The following SYCP1 variants were observed in gnomAD, a reference collection of about 807,000 sequenced individuals.
The protein encoded by SYCP1 is synaptonemal complex protein 1.
Under a neutral mutation model 153.1 loss-of-function variants are expected in SYCP1, and 64 were observed. That is an observed-to-expected ratio of 0.42 (90% CI 0.34 to 0.51). The LOEUF is 0.51. SYCP1 is among the 20% of genes least tolerant of loss of function. The probability of loss-of-function intolerance (pLI) is 0.06; values close to 1 mark genes in which losing one functional copy is unlikely to be tolerated. For synonymous variants in SYCP1, 384 were observed against 341.8 expected (o/e 1.12, Z -1.36); for missense variants, 997 against 1,049.0 (o/e 0.95, Z 0.68).
chr1:114,985,970 C>T (rs1179987666), intron 30 of SYCP1, among the ~76,000 whole-genome samples: 2 of 148,934 alleles, frequency 1.3e-5, no homozygotes, highest in African/African-American at 4.9e-5. Context: ...GAAAGCAATA[C>T]AACATAACTA....
chr1:114,956,253 G>T (rs146474041), intron 27 of SYCP1, among the ~76,000 whole-genome samples: 129 of 152,240 alleles, frequency 8.5e-4, no homozygotes, highest in Admixed American at 2.2e-3. Context: ...GATGGGTGGT[G>T]GGGGGACAGT....
At chr1:114,859,834 G>A (rs1005970980) in intron 7 of SYCP1, 24 bp downstream of exon 7, 1 of 649,632 alleles carries the variant, frequency 1.5e-6, no homozygotes, top group Admixed American at 5.1e-5. Context: ...TAATGAATTT[G>A]TTCTTTTCAC....
intron 12 of SYCP1, among the ~76,000 whole-genome samples, chr1:114,880,881 T>G (rs374278272): frequency 6.6e-6 from 1 of 152,194 alleles, no homozygotes; most frequent in African/African-American, 2.4e-5. Flanking sequence ...TATGATCAAC[T>G]AATTTTTGTT....
At chr1:114,963,914 G>T (rs953937215) in intron 27 of SYCP1, among the ~76,000 whole-genome samples, 30 of 152,130 alleles carry the variant, frequency 2.0e-4, no homozygotes, top group Admixed American at 1.2e-3. Context: ...GGGTCAAATG[G>T]TATTTCTGGT....
intron 15 of SYCP1, 41 bp from the exon 16 acceptor site, chr1:114,895,407 T>A (rs1341299712): frequency 2.3e-6 from 3 of 1,316,080 alleles, no homozygotes; most frequent in Non-Finnish European, 3.1e-6. Context: ...CCTATTCTTT[T>A]AATCCAGCTT....
Position 114,910,487 on chromosome 1 carries a change from C to T in SYCP1, c.1411C>T (p.Leu471Phe), listed in dbSNP as rs1450960448. The T allele has an allele frequency of 1.9e-6, 3 of 1,577,112 alleles. No homozygotes were observed. The highest frequency in any genetic ancestry group is 1.7e-6 in the Non-Finnish European group (2 of 1,164,314). ...KGTEQELIGL[L>F]QAREKEVHDL... ...AACAGAACAAGAACTAATTGGTCTTCTCCAAGCCAGAGAGGTTTGTTTAAG... is the reference window on the plus strand; with the variant it reads ...AACAGAACAAGAACTAATTGGTCTTTTCCAAGCCAGAGAGGTTTGTTTAAG... The change falls in exon 17 of 32, where the codon CTC (leucine) becomes TTC (phenylalanine). Residue 471 changes from leucine (L) to phenylalanine (F), a missense_variant. Physicochemically the swap from Leu to Phe is conservative, Grantham distance 22 (BLOSUM62 0). Transcript: ENST00000369522.
chr1:114,951,253 A>G (rs1671088551), intron 27 of SYCP1, among the ~76,000 whole-genome samples: 1 of 152,184 alleles, frequency 6.6e-6, no homozygotes, highest in Non-Finnish European at 1.5e-5. Context: ...ATCACTTCAT[A>G]TGGCTCCTTT....
chr1:114,917,400 C>G lies in SYCP1; in HGVS notation c.1718+3355C>G, dbSNP rs921054432. Among the ~76,000 whole-genome samples the G allele has an allele frequency of 7.9e-5, 12 of 152,276 alleles. No homozygotes were observed. In the South Asian group the frequency reaches 1.0e-3, roughly 13 times the overall value. ...TGTTATCCATTCACCTGTTGATGGA[C>G]ACTTACATAGCTTCCAAATATTGGC... On this transcript the variant is annotated intron_variant, in intron 20 of 31. Coordinates refer to ENST00000369522, the MANE Select transcript of SYCP1 (RefSeq NM_003176.4).
chr1:114,950,576 G>C (rs186918615), intron 27 of SYCP1, among the ~76,000 whole-genome samples: 113 of 152,124 alleles, frequency 7.4e-4, no homozygotes, highest in Admixed American at 2.4e-3. Context: ...AACAGTTATA[G>C]AGATAATACC....
chr1:114,924,101 AT>A (rs1436800839), intron 21 of SYCP1, among the ~76,000 whole-genome samples: 1 of 152,100 alleles, frequency 6.6e-6, no homozygotes, highest in African/African-American at 2.4e-5. Context: ...TTACGTTTGG[AT>A]TTCATTTATT....
At chr1:114,894,875 A>G (rs970622737) in intron 15 of SYCP1, among the ~76,000 whole-genome samples, 4 of 152,150 alleles carry the variant, frequency 2.6e-5, no homozygotes, top group Non-Finnish European at 4.4e-5. Flanking sequence ...TGTTGGAAAA[A>G]CAAACTAAGA....
chr1:114,858,909 C>T (rs575642483), intron 6 of SYCP1, among the ~76,000 whole-genome samples, 198 bp downstream of exon 6: 25 of 152,120 alleles, frequency 1.6e-4, no homozygotes, highest in African/African-American at 5.1e-4. Context: ...AGTTGTATAA[C>T]GCTTAATGCA....
At chr1:114,993,775 A>G (rs1303235621) in intron 30 of SYCP1, among the ~76,000 whole-genome samples, 1 of 151,490 alleles carries the variant, frequency 6.6e-6, no homozygotes, top group Admixed American at 6.6e-5. Context: ...TATATAGTTC[A>G]ATGTTATTAA....
Position 114,981,397 on chromosome 1 carries a change from T to A in SYCP1, c.2444T>A (p.Val815Asp), listed in dbSNP as rs766855833. 9.9e-6 allele frequency: 16 copies of A among 1,608,778 alleles called. No homozygotes were observed. The change falls in exon 29 of 32, where the codon GTT (valine) becomes GAT (aspartate). Residue 815 changes from valine to aspartate, a missense_variant. Physicochemically the swap from Val to Asp is radical, Grantham distance 152 (BLOSUM62 -3). Around this residue, in one of 2 missense-constraint regions of SYCP1, gnomAD observed 712 missense variants for 682.9 expected, o/e 1.04. Transcript: ENST00000369522. ...TATTGGAAATTGGATTCTAAAGCAGTTCCTTCACAAACTGTATCTCGAAAT... is the reference window on the plus strand; with the variant it reads ...TATTGGAAATTGGATTCTAAAGCAGATCCTTCACAAACTGTATCTCGAAAT... ...EIYWKLDSKAVPSQTVSRNFT... is the reference protein window; with the variant it reads ...EIYWKLDSKADPSQTVSRNFT...
chr1:114,860,078 TG>T (rs1664272138), intron 7 of SYCP1, among the ~76,000 whole-genome samples: 1 of 152,202 alleles, frequency 6.6e-6, no homozygotes. Context: ...CTGATAATTC[TG>T]TATCTACAAC....
At chr1:114,858,427 T>C in intron 5 of SYCP1, 120 bp from the exon 6 acceptor site, 1 of 729,398 alleles carries the variant, frequency 1.4e-6, no homozygotes, top group South Asian at 3.0e-5. Context: ...ATGCTATTAG[T>C]GCTTAAATTG....
chr1:114,972,914 G>C (rs889144826), intron 27 of SYCP1, among the ~76,000 whole-genome samples: 3 of 152,088 alleles, frequency 2.0e-5, no homozygotes, highest in African/African-American at 7.2e-5. Context: ...AGATCCATTT[G>C]GTCTATAGTG....
At chr1:114,902,162 T>C (rs904943735) in intron 16 of SYCP1, among the ~76,000 whole-genome samples, 2 of 151,480 alleles carry the variant, frequency 1.3e-5, no homozygotes, top group African/African-American at 2.4e-5. Flanking sequence ...GAAAAGGCCA[T>C]GGAAAGGCTG....
intron 28 of SYCP1, among the ~76,000 whole-genome samples, chr1:114,980,079 C>G (rs1206120854): frequency 6.6e-6 from 1 of 151,670 alleles, no homozygotes; most frequent in Non-Finnish European, 1.5e-5. Context: ...TAAAGGAGGG[C>G]TCTACAATGA....
Sources: allele counts gnomAD v4.1 joint callset (sites outside exome capture counted in the v4.1 genomes callset), GRCh38; gene constraint gnomAD v4.1.1; regional missense constraint gnomAD v4.1.1; transcripts MANE v1.5; gene names NCBI Gene and HGNC (gene_info 2026-07-23, HGNC 2026-07-21).